The following DNAJC1 variants were observed in gnomAD, a reference collection of about 807,000 sequenced individuals.
DNAJC1 encodes dnaJ homolog subfamily C member 1.
In DNAJC1, 58 loss-of-function variants were observed where a neutral mutation model predicts 76.6. The ratio of observed to expected loss-of-function variants is 0.76; its 90% CI spans 0.61 to 0.94. The LOEUF is 0.94. DNAJC1 is among the 40% of genes least tolerant of loss of function. The probability of loss-of-function intolerance (pLI) is 0.00; values close to 1 mark genes in which losing one functional copy is unlikely to be tolerated. For synonymous variants in DNAJC1, 258 were observed against 267.9 expected (o/e 0.96, Z 0.36); for missense variants, 689 against 677.3 (o/e 1.02, Z -0.19).
At chr10:21,855,124 AT>A (rs1253247633) in intron 8 of DNAJC1, among the ~76,000 whole-genome samples, 1 of 152,204 alleles carries the variant, frequency 6.6e-6, no homozygotes, top group Non-Finnish European at 1.5e-5. Flanking sequence ...ATCTTAAAAA[AT>A]ATAGGCATTT....
chr10:21,877,434 T>C (rs1334526228), intron 8 of DNAJC1, among the ~76,000 whole-genome samples: 1 of 152,010 alleles, frequency 6.6e-6, no homozygotes, highest in Non-Finnish European at 1.5e-5. Flanking sequence ...AGAAAATATG[T>C]GCAAAACACT....
At chr10:21,905,793 G>T (rs777261881) in intron 6 of DNAJC1, among the ~76,000 whole-genome samples, 1 of 152,090 alleles carries the variant, frequency 6.6e-6, no homozygotes, top group Non-Finnish European at 1.5e-5. Flanking sequence ...AAATGAAGGG[G>T]CCTGATGACT....
At chr10:21,837,413 T>C (rs1835480394) in intron 8 of DNAJC1, among the ~76,000 whole-genome samples, 2 of 149,102 alleles carry the variant, frequency 1.3e-5, no homozygotes, top group Admixed American at 1.3e-4. Flanking sequence ...GGCTGCCCAG[T>C]CTGGGAAGTG....
intron 1 of DNAJC1, among the ~76,000 whole-genome samples, chr10:21,934,331 A>G (rs922030339): frequency 5.3e-5 from 8 of 152,186 alleles, no homozygotes; most frequent in African/African-American, 1.9e-4. Context: ...TATTACAAAA[A>G]GTTAAAAAGT....
Position 21,929,261 on chromosome 10 carries a change from TTTGAGCAATCAGTC to T in DNAJC1, c.223-134_223-121del, listed in dbSNP as rs1837181441. 3 of 645,820 alleles carry T rather than the reference TTTGAGCAATCAGTC, an allele frequency of 4.6e-6. No homozygotes were observed. In the South Asian group the frequency reaches 5.5e-5, roughly 12 times the overall value. The allele number at this position is 645,820 out of a possible 1,614,324, so 40.0% of individuals were successfully genotyped here. On this transcript the variant is annotated intron_variant, in intron 1 of 11. Transcript: ENST00000376980. ...AAGTGCAGGACCCCAGGCAATGTAA[TTTGAGCAATCAGTC>T]TTAACAACCAGGCTATGCAACAAGC...
At chr10:21,839,816 C>T (rs1028509328) in intron 8 of DNAJC1, among the ~76,000 whole-genome samples, 12 of 152,158 alleles carry the variant, frequency 7.9e-5, no homozygotes, top group African/African-American at 2.7e-4. Flanking sequence ...AATTTTAGAC[C>T]AATATCCTTG....
At chr10:21,919,352 A>C (rs57159051) in intron 5 of DNAJC1, among the ~76,000 whole-genome samples, 6 of 152,172 alleles carry the variant, frequency 3.9e-5, no homozygotes, top group African/African-American at 1.4e-4. Flanking sequence ...TGATGTCATC[A>C]GAATAGATGA....
chr10:21,771,735 T>C (rs1408759825), intron 9 of DNAJC1, among the ~76,000 whole-genome samples: 3 of 152,198 alleles, frequency 2.0e-5, no homozygotes, highest in Non-Finnish European at 4.4e-5. Context: ...TGACCTCAGG[T>C]GATCAGCCTG....
intron 9 of DNAJC1, among the ~76,000 whole-genome samples, chr10:21,797,446 T>C (rs1460169136): frequency 6.6e-6 from 1 of 152,216 alleles, no homozygotes; most frequent in African/African-American, 2.4e-5. Flanking sequence ...TGTAATTCCA[T>C]ATACACTTCA....
chr10:21,999,549 G>A (rs537885571), intron 1 of DNAJC1, among the ~76,000 whole-genome samples: 4 of 136,658 alleles, frequency 2.9e-5, no homozygotes, highest in South Asian at 5.0e-4. Context: ...TCCGCCTCCC[G>A]GGTTCAAGCA....
intron 1 of DNAJC1, among the ~76,000 whole-genome samples, chr10:21,949,595 T>G (rs1436564846): frequency 6.6e-6 from 1 of 151,668 alleles, no homozygotes; most frequent in Admixed American, 6.6e-5. Flanking sequence ...TTTTGTATTT[T>G]TAGTAGAGAC....
chr10:21,996,656 T>C (rs1257981924), intron 1 of DNAJC1, among the ~76,000 whole-genome samples: 1 of 152,160 alleles, frequency 6.6e-6, no homozygotes, highest in Non-Finnish European at 1.5e-5. Context: ...TTCTCATAAT[T>C]AGTGTAAAGA....
At chr10:21,913,258 G>A (rs761386796) in intron 6 of DNAJC1, among the ~76,000 whole-genome samples, 13 of 152,108 alleles carry the variant, frequency 8.5e-5, no homozygotes, top group Admixed American at 7.2e-4. Flanking sequence ...TTATGCTACC[G>A]AGAAATGTAA....
At position 21,837,505 on chromosome 10, in the gene DNAJC1, G is replaced by A. The variant is rs1835483093; in HGVS notation, c.979-31406C>T. 2.6e-5 allele frequency among the ~76,000 whole-genome samples: 4 copies of A among 151,964 alleles called. No individual in the cohort carries two copies. In the East Asian group the frequency reaches 5.8e-4, roughly 22 times the overall value. On this transcript the variant is annotated intron_variant, in intron 8 of 11. Transcript: ENST00000376980. ...GGCCGCCCATCGTCTGAGATGTGGG[G>A]AGCGCCTCTGCCCCACTGCCCCGTC... is the stretch of plus-strand genomic sequence containing the variant.
chr10:21,949,016 A>G (rs962086035), intron 1 of DNAJC1, among the ~76,000 whole-genome samples: 1 of 152,212 alleles, frequency 6.6e-6, no homozygotes, highest in Non-Finnish European at 1.5e-5. Flanking sequence ...AGTGGAGGCA[A>G]TATTTTTAAA....
chr10:21,852,092 T>TACACACACACAC (rs58289439), intron 8 of DNAJC1, among the ~76,000 whole-genome samples: 5 of 146,100 alleles, frequency 3.4e-5, no homozygotes, highest in Non-Finnish European at 7.5e-5. Flanking sequence ...AATTGTGAGA[T>TACACACACACAC]ACACACACAC....
intron 6 of DNAJC1, among the ~76,000 whole-genome samples, chr10:21,915,435 T>C (rs531976274): frequency 2.2e-4 from 34 of 152,314 alleles, no homozygotes; most frequent in Non-Finnish European, 3.5e-4. Flanking sequence ...ATTCTGCCAG[T>C]GTAAAGGTCA....
At chr10:21,778,673 G>A (rs571520008) in intron 9 of DNAJC1, among the ~76,000 whole-genome samples, 17 of 152,294 alleles carry the variant, frequency 1.1e-4, no homozygotes, top group African/African-American at 1.9e-4. Flanking sequence ...TGTGAGCGAC[G>A]GAGAAGACGG....
chr10:21,835,945 GCCA>G (rs1835445980), intron 8 of DNAJC1, among the ~76,000 whole-genome samples: 1 of 152,130 alleles, frequency 6.6e-6, no homozygotes, highest in South Asian at 2.1e-4. Context: ...AGCAAGGCAG[GCCA>G]CCATTCAAAT....
Sources: allele counts gnomAD v4.1 joint callset (sites outside exome capture counted in the v4.1 genomes callset), GRCh38; gene constraint gnomAD v4.1.1; transcripts MANE v1.5; gene names NCBI Gene and HGNC (gene_info 2026-07-23, HGNC 2026-07-21).